The following KHSRP variants were observed in gnomAD, a reference collection of about 807,000 sequenced individuals.
The protein encoded by KHSRP is far upstream element-binding protein 2.
KHSRP carries 13 observed loss-of-function variants against 94.9 expected under a neutral mutation model. The observed-to-expected ratio is 0.14, with a 90% CI of 0.09 to 0.22. The LOEUF (loss-of-function observed/expected upper bound fraction) is 0.22, where lower values mean the gene tolerates loss of function less well. KHSRP is among the 10% of genes least tolerant of loss of function. KHSRP has a pLI of 1.00. For synonymous variants in KHSRP, 495 were observed against 401.4 expected (o/e 1.23, Z -2.79); for missense variants, 710 against 1,010.0 (o/e 0.70, Z 4.03).
Position 6,415,686 on chromosome 19 carries a change from T to C in KHSRP, c.1736A>G (p.Tyr579Cys), listed in dbSNP as rs1227781625. The C allele has an allele frequency of 6.5e-7, 1 of 1,547,730 alleles. No homozygotes were observed. The highest frequency in any genetic ancestry group is 2.0e-5 in the Admixed American group (1 of 50,896). ...AADPNAAWAAYYSHYYQQPPG... is the reference protein window; with the variant it reads ...AADPNAAWAACYSHYYQQPPG... Reference sequence around the variant, plus strand: ...GGGCTGCTGGTAGTAGTGTGAGTAGTAGGCGGCCCACGCGGCGTTGGGGTC... The same window carrying C: ...GGGCTGCTGGTAGTAGTGTGAGTAGCAGGCGGCCCACGCGGCGTTGGGGTC... The change falls in exon 17 of 19, where the codon TAC (tyrosine) becomes TGC (cysteine). Residue 579 changes from tyrosine to cysteine, a missense_variant. By Grantham distance (194) the Tyr-to-Cys change is radical. Transcript: ENST00000600480.
Position 6,414,165 on chromosome 19 carries a change from A to C in KHSRP, c.*859T>G. 20 of 658,254 alleles carry C rather than the reference A, an allele frequency of 3.0e-5. No individual in the cohort carries two copies. The highest frequency in any genetic ancestry group is 4.8e-5 in the Non-Finnish European group (19 of 393,764). The allele number at this position is 658,254 out of a possible 1,614,324, so 40.8% of individuals were successfully genotyped here. Reference sequence around the variant, plus strand: ...AGGAATTGGTCACTACGGGGAGGGAAGGGTGGGAGACTAGGGGGCGGAAGA... The same window carrying C: ...AGGAATTGGTCACTACGGGGAGGGACGGGTGGGAGACTAGGGGGCGGAAGA... On this transcript the variant is annotated 3_prime_UTR_variant, in exon 19 of 19. Transcript: ENST00000600480.
chr19:6,422,018 T>A (rs781084694), intron 2 of KHSRP, among the ~76,000 whole-genome samples: 2 of 152,058 alleles, frequency 1.3e-5, no homozygotes, highest in Non-Finnish European at 2.9e-5. Context: ...CTACTTGGGG[T>A]CACACTACGC....
chr19:6,417,600 A>C (rs1187547095), intron 11 of KHSRP, 139 bp downstream of exon 11: 1 of 664,018 alleles, frequency 1.5e-6, no homozygotes, highest in Non-Finnish European at 2.7e-6. Flanking sequence ...GGGACTGGCC[A>C]TGTTCTGACG....
rs532530916 is a variant in KHSRP at position 6,414,156 on chromosome 19, G to A, written c.*868C>T. 2.2e-5 allele frequency: 35 copies of A among 1,605,150 alleles called. No individual in the cohort carries two copies. The highest frequency in any genetic ancestry group is 1.6e-4 in the East Asian group (7 of 44,644). On this transcript the variant is annotated 3_prime_UTR_variant, in exon 19 of 19. Coordinates refer to ENST00000600480, the MANE Select transcript of KHSRP (RefSeq NM_001366299.1). Reference sequence around the variant, plus strand: ...GGAAGAGATAGGAATTGGTCACTACGGGGAGGGAAGGGTGGGAGACTAGGG... The same window carrying A: ...GGAAGAGATAGGAATTGGTCACTACAGGGAGGGAAGGGTGGGAGACTAGGG...
In KHSRP at chr19:6,414,047, C is replaced by T. The variant is rs1232096264; in HGVS notation, c.*977G>A. ...CTCTCGCCAAACAAAACAGAAGCCC[C>T]CAAACAGAACAAAATGGAAAAAAAA... On this transcript the variant is annotated 3_prime_UTR_variant, in exon 19 of 19. Transcript: ENST00000600480. 4.5e-6 allele frequency: 7 copies of T among 1,569,174 alleles called. No individual in the cohort carries two copies. The highest frequency in any genetic ancestry group is 1.9e-5 in the Admixed American group (1 of 51,858).
chr19:6,422,305 TTCC>T, intron 2 of KHSRP, 32 bp downstream of exon 2: 1 of 1,461,574 alleles, frequency 6.8e-7, no homozygotes, highest in Non-Finnish European at 9.6e-7. Flanking sequence ...CCCCCAGCCC[TTCC>T]TCCTAAGCTA....
intron 4 of KHSRP, 21 bp downstream of exon 4, chr19:6,421,257 G>GTGGGCCCCACCA (rs1411147626): frequency 4.4e-6 from 7 of 1,576,804 alleles, no homozygotes; most frequent in Non-Finnish European, 6.0e-6. Flanking sequence ...AGAAAGCAGT[G>GTGGGCCCCACCA]TGGGCCCCAC....
intron 6 of KHSRP, among the ~76,000 whole-genome samples, chr19:6,419,739 C>T (rs553622654): frequency 2.0e-5 from 3 of 152,240 alleles, no homozygotes; most frequent in Admixed American, 6.5e-5. Context: ...CAAGGCACCA[C>T]CCTGTCTCAC....
At chr19:6,417,443 G>A (rs1258590309) in intron 11 of KHSRP, among the ~76,000 whole-genome samples, 2 of 152,216 alleles carry the variant, frequency 1.3e-5, no homozygotes, top group African/African-American at 2.4e-5. Flanking sequence ...GAGGTGGAGT[G>A]CCCTGATCCA....
intron 15 of KHSRP, among the ~76,000 whole-genome samples, 165 bp from the exon 16 acceptor site, chr19:6,416,061 C>G (rs532094332): frequency 1.3e-5 from 2 of 152,338 alleles, no homozygotes; most frequent in Admixed American, 1.3e-4. Context: ...TCGAAGGACG[C>G]GCAGCGTCAG....
Position 6,415,893 on chromosome 19 carries a change from G to A in KHSRP, c.1602C>T (p.Ala534=), listed in dbSNP as rs73565847. The change falls in exon 16 of 19, where the codon GCC becomes GCT. Residue 534 remains alanine, a synonymous_variant. Coordinates refer to ENST00000600480, the MANE Select transcript of KHSRP (RefSeq NM_001366299.1). ...GGTACTGGTGAGGAGGGGGCCCCCC[G>A]GCACTGCAGGAGAGAAGAAAGGGAT... is the stretch of plus-strand genomic sequence containing the variant. ...NQGPPGAPPH[A]GGPPPHQYPP... is the part of the protein sequence containing the mutation. 1.2e-4 allele frequency: 181 copies of A among 1,514,044 alleles called. No homozygotes were observed. In the African/African-American group the frequency reaches 1.5e-3, roughly 13 times the overall value. The allele number at this position is 1,514,044 out of a possible 1,614,324, so 93.8% of individuals were successfully genotyped here.
chr19:6,416,246 GC>G, intron 15 of KHSRP, 51 bp downstream of exon 15: 4 of 1,420,906 alleles, frequency 2.8e-6, no homozygotes, highest in Non-Finnish European at 3.9e-6. Flanking sequence ...TATTCTTCTT[GC>G]CAGCTCAGTA....
rs199581984 is a variant in KHSRP, at chr19:6,416,499, T to C, written c.1479A>G (p.Glu493=). 2.2e-4 allele frequency: 355 copies of C among 1,612,778 alleles called. 3 individuals are homozygous for C. The African/African-American group carries it at 4.1e-3, about 19-fold the overall frequency. Residue 493 remains glutamate, a synonymous_variant, in exon 14 of 19, where the codon GAA becomes GAG. Coordinates refer to ENST00000600480, the MANE Select transcript of KHSRP (RefSeq NM_001366299.1). Reference sequence around the variant, plus strand: ...GCCCGCCCCAACCCACCTCGATCTTTTCCTCGATAAGCTGCTTGGCGTGGT... The same window carrying C: ...GCCCGCCCCAACCCACCTCGATCTTCTCCTCGATAAGCTGCTTGGCGTGGT... ...QIDHAKQLIE[E]KIEGPLCPVG...
In KHSRP at chr19:6,415,629, G is replaced by T; in HGVS notation, c.1793C>A (p.Pro598His). Residue 598 changes from proline to histidine, a missense_variant, in exon 17 of 19, where the codon CCT (proline) becomes CAT (histidine). Pro to His is a moderately conservative substitution (Grantham distance 77). This residue lies in a region of KHSRP where 292 missense variants were observed against 340.5 expected (regional missense o/e 0.86). Coordinates refer to ENST00000600480, the MANE Select transcript of KHSRP (RefSeq NM_001366299.1). ...PGPVPGPAPA[P>H]AAPPAQGEPP... ...CTCACCCTGAGCCGGTGGGGCCGCA[G>T]GGGCCGGTGCGGGGCCGGGGACGGG... The T allele has an allele frequency of 6.6e-7, 1 of 1,525,612 alleles. No homozygotes were observed. Among genetic ancestry groups the T allele is most frequent in the Non-Finnish European group, 8.8e-7 (1 of 1,137,708 alleles). The allele number at this position is 1,525,612 out of a possible 1,614,324, so 94.5% of individuals were successfully genotyped here.
Position 6,413,918 on chromosome 19 carries a change from G to C in KHSRP, c.*1106C>G. 1 of 540,420 alleles carries C rather than the reference G, an allele frequency of 1.9e-6. No homozygotes were observed. Among genetic ancestry groups the C allele is most frequent in the South Asian group, 6.6e-5 (1 of 15,230 alleles). 33.5% of individuals were successfully genotyped at this position (540,420 alleles called of 1,614,324 possible). A position where few individuals can be genotyped will look rare whatever the true frequency, so the allele number is the denominator to read the frequency against. Reference sequence around the variant, plus strand: ...CCCAATTTTGAAAGAAAAAGCATGTGAGACACAGAACAGGCGAGAGAGTGA... The same window carrying C: ...CCCAATTTTGAAAGAAAAAGCATGTCAGACACAGAACAGGCGAGAGAGTGA... On this transcript the variant is annotated 3_prime_UTR_variant, in exon 19 of 19. Coordinates refer to ENST00000600480, the MANE Select transcript of KHSRP (RefSeq NM_001366299.1).
chr19:6,418,202 C>T lies in KHSRP; in HGVS notation c.880-123G>A. Reference sequence around the variant, plus strand: ...CCCTGGGTGAGCCCAGCACAGCACCCTACTGAGCTCTCTACCTGCCACTTT... The same window carrying T: ...CCCTGGGTGAGCCCAGCACAGCACCTTACTGAGCTCTCTACCTGCCACTTT... On this transcript the variant is annotated intron_variant, in intron 9 of 18. Coordinates refer to ENST00000600480, the MANE Select transcript of KHSRP (RefSeq NM_001366299.1). The surrounding 1 kb of genome is among the most constrained non-coding windows in gnomAD (Gnocchi z 4.3). 1 of 777,658 alleles carries T rather than the reference C, an allele frequency of 1.3e-6. No individual in the cohort carries two copies. Among genetic ancestry groups the T allele is most frequent in the Admixed American group, 2.2e-5 (1 of 45,002 alleles). The allele number at this position is 777,658 out of a possible 1,614,324, so 48.2% of individuals were successfully genotyped here. A position where few individuals can be genotyped will look rare whatever the true frequency, so the allele number is the denominator to read the frequency against.
chr19:6,413,368 T>C lies in KHSRP; in HGVS notation c.*1656A>G, dbSNP rs943341138. ...ACGGGGAGGTTTTGTTATCATTTATTTGTGAAGTTAAAAACGAGCGATAAA... is the reference window on the plus strand; with the variant it reads ...ACGGGGAGGTTTTGTTATCATTTATCTGTGAAGTTAAAAACGAGCGATAAA... On this transcript the variant is annotated 3_prime_UTR_variant, in exon 19 of 19. Coordinates refer to ENST00000600480, the MANE Select transcript of KHSRP (RefSeq NM_001366299.1). 2 of 402,160 alleles carry C rather than the reference T, an allele frequency of 5.0e-6. No homozygotes were observed. The highest frequency in any genetic ancestry group is 4.3e-5 in the African/African-American group (2 of 46,510). 24.9% of individuals were successfully genotyped at this position (402,160 alleles called of 1,614,324 possible). A position where few individuals can be genotyped will look rare whatever the true frequency, so the allele number is the denominator to read the frequency against.
Position 6,415,281 on chromosome 19 carries a change from C to A in KHSRP, c.1987G>T (p.Gly663Cys). The stretch of plus-strand genomic sequence containing the variant: ...TGGGAGCCTGGGGGAGCTCCTGGAC[C>A]CCCTCCGGTGGCCACTTGCGCTGTG... ...KKQAQVATGG[G>C]PGAPPGSQPD... is the part of the protein sequence containing the mutation. The change falls in exon 19 of 19, where the codon GGT (glycine) becomes TGT (cysteine). Residue 663 changes from glycine (G) to cysteine (C), a missense_variant. Gly to Cys is a radical substitution (Grantham distance 159). Transcript: ENST00000600480. The A allele has an allele frequency of 6.2e-7, 1 of 1,613,102 alleles. No individual in the cohort carries two copies.
Position 6,419,267 on chromosome 19 carries a change from AGAG to A in KHSRP, c.548-10_548-8del. On this transcript the variant is annotated splice_region_variant and splice_polypyrimidine_tract_variant and intron_variant, in intron 6 of 18. Coordinates refer to ENST00000600480, the MANE Select transcript of KHSRP (RefSeq NM_001366299.1). Reference sequence around the variant, plus strand: ...TCGGGTAGGCCACCGCTGTCTGAAAAGAGGAGATAGAGTCAGTGCCCTCCCTGG... The same window carrying A: ...TCGGGTAGGCCACCGCTGTCTGAAAAGAGATAGAGTCAGTGCCCTCCCTGG... 6.4e-7 allele frequency: 1 copy of A among 1,563,118 alleles called. No homozygotes were observed. The highest frequency in any genetic ancestry group is 8.7e-7 in the Non-Finnish European group (1 of 1,154,822).
Sources: allele counts gnomAD v4.1 joint callset (sites outside exome capture counted in the v4.1 genomes callset), GRCh38; gene constraint gnomAD v4.1.1; regional missense constraint gnomAD v4.1.1; non-coding constraint Gnocchi (gnomAD v3.1); transcripts MANE v1.5; gene names NCBI Gene and HGNC (gene_info 2026-07-23, HGNC 2026-07-21).